The following B4GALT1 variants were observed in gnomAD, a reference collection of about 807,000 sequenced individuals.
B4GALT1 encodes the protein N-acetyllactosamine synthase.
A neutral mutation model predicts 34.9 loss-of-function variants in B4GALT1; 16 were observed. The ratio of observed to expected loss-of-function variants is 0.46; its 90% CI spans 0.31 to 0.70. The LOEUF (loss-of-function observed/expected upper bound fraction) is 0.70. B4GALT1 is among the 30% of genes least tolerant of loss of function. The pLI is 0.05. For synonymous variants in B4GALT1, 221 were observed against 218.1 expected, an observed-to-expected ratio of 1.01 and a Z score of -0.12; for missense variants, 445 against 530.5, an observed-to-expected ratio of 0.84 and a Z score of 1.58.
In B4GALT1 at chr9:33,119,544, T is replaced by A. The variant is rs146907857; in HGVS notation, c.836+875A>T. The stretch of plus-strand genomic sequence containing the variant: ...CCAGCTTGGGCAACATAGCCAGACC[T>A]CATCTCCACTAAAAATAAAAAATTA... On this transcript the variant is annotated intron_variant, in intron 3 of 5. Transcript: ENST00000379731. Among the ~76,000 whole-genome samples the A allele has an allele frequency of 6.5e-3, 990 of 152,228 alleles. 14 individuals are homozygous for A. The highest frequency in any genetic ancestry group is 0.054 in the Middle Eastern group (16 of 294).
intron 1 of B4GALT1, among the ~76,000 whole-genome samples, chr9:33,165,861 C>T (rs915225474): frequency 6.6e-6 from 1 of 152,312 alleles, no homozygotes; most frequent in Middle Eastern, 3.4e-3. Context: ...AAGCTCTCTG[C>T]CTATGCTGAA....
intron 1 of B4GALT1, among the ~76,000 whole-genome samples, chr9:33,147,792 G>A (rs1290984813): frequency 1.3e-5 from 2 of 152,172 alleles, no homozygotes; most frequent in Non-Finnish European, 2.9e-5. Flanking sequence ...AATAGATGCA[G>A]GAGGCTGAGG....
chr9:33,156,424 G>A (rs537422280), intron 1 of B4GALT1, among the ~76,000 whole-genome samples: 1 of 152,298 alleles, frequency 6.6e-6, no homozygotes, highest in South Asian at 2.1e-4. Flanking sequence ...GTGAGCCACT[G>A]TGCCCGGCCA....
chr9:33,121,319 C>T (rs1019239282), intron 2 of B4GALT1, among the ~76,000 whole-genome samples: 1 of 152,190 alleles, frequency 6.6e-6, no homozygotes, highest in East Asian at 1.9e-4. Context: ...CCACGAGGTC[C>T]CCAGGCACCA....
chr9:33,116,425 T>C (rs974515456), intron 3 of B4GALT1, among the ~76,000 whole-genome samples: 2 of 151,852 alleles, frequency 1.3e-5, no homozygotes, highest in East Asian at 1.9e-4. Flanking sequence ...GGTTTCACCA[T>C]GTTGGTCAGG....
At chr9:33,140,669 A>AG (rs774615565) in intron 1 of B4GALT1, among the ~76,000 whole-genome samples, 43 of 152,232 alleles carry the variant, frequency 2.8e-4, no homozygotes, top group Non-Finnish European at 4.8e-4. Flanking sequence ...CCTGGGTCTC[A>AG]GACCTGACAG....
intron 1 of B4GALT1, among the ~76,000 whole-genome samples, chr9:33,142,863 G>C (rs960743329): frequency 3.3e-5 from 5 of 152,252 alleles, no homozygotes; most frequent in Admixed American, 3.3e-4. Flanking sequence ...AAAAAAAATA[G>C]GCCAGGTGCG....
At position 33,130,981 on chromosome 9, in the gene B4GALT1, T is replaced by C. The variant is rs190484832; in HGVS notation, c.648+4208A>G. Among the ~76,000 whole-genome samples, 213 of 152,154 alleles carry C rather than the reference T, an allele frequency of 1.4e-3. 2 individuals carry two copies. The highest frequency in any genetic ancestry group is 4.9e-3 in the African/African-American group (202 of 41,496). ...GTAACGGCTGGTATTTACTGAAGGT[T>C]TACCATGAGAAGGATGCCTCATAAC... On this transcript the variant is annotated intron_variant, in intron 2 of 5. Transcript: ENST00000379731.
At chr9:33,154,033 G>A (rs1840561911) in intron 1 of B4GALT1, among the ~76,000 whole-genome samples, 1 of 54,566 alleles carries the variant, frequency 1.8e-5, no homozygotes, top group Admixed American at 1.5e-4. Context: ...AAGGAAGGAA[G>A]GGAGGGAGGG....
chr9:33,148,121 G>T (rs999391647), intron 1 of B4GALT1, among the ~76,000 whole-genome samples: 3 of 152,066 alleles, frequency 2.0e-5, no homozygotes, highest in Non-Finnish European at 4.4e-5. Context: ...TAATATCTAG[G>T]ATGTATAAGG....
At chr9:33,151,615 A>C (rs1300321855) in intron 1 of B4GALT1, among the ~76,000 whole-genome samples, 1 of 152,254 alleles carries the variant, frequency 6.6e-6, no homozygotes, top group African/African-American at 2.4e-5. Context: ...ACATATACAT[A>C]CTTATCGCAT....
the B4GALT1 span, among the ~76,000 whole-genome samples, chr9:33,182,421 G>A: frequency 2.6e-5 from 4 of 152,132 alleles, no homozygotes; most frequent in South Asian, 2.1e-4. Context: ...TTGGAGGTAC[G>A]CTGTCCATCT....
intron 1 of B4GALT1, among the ~76,000 whole-genome samples, chr9:33,136,905 C>G (rs1454430914): frequency 6.6e-6 from 1 of 152,172 alleles, no homozygotes; most frequent in South Asian, 2.1e-4. Context: ...CCCCCTACTC[C>G]CGGAATCACT....
chr9:33,175,575 T>C, the B4GALT1 span, among the ~76,000 whole-genome samples: 1 of 152,178 alleles, frequency 6.6e-6, no homozygotes, highest in Non-Finnish European at 1.5e-5. Flanking sequence ...TCCATAAGAT[T>C]ATAATAAAGC....
rs1301056521 is a variant in B4GALT1 at position 33,156,026 on chromosome 9, A to ATGCAGT, written c.412+10726_412+10731dup. The stretch of plus-strand genomic sequence containing the variant: ...TTAAGTCACAACTGACTGCTGCAGA[A>ATGCAGT]TGCAGTCAAAGGAGAAGAAGACATA... On this transcript the variant is annotated intron_variant, in intron 1 of 5. Coordinates refer to ENST00000379731, the MANE Select transcript of B4GALT1 (RefSeq NM_001497.4). Among the ~76,000 whole-genome samples the ATGCAGT allele has an allele frequency of 4.6e-5, 7 of 152,282 alleles. No individual in the cohort carries two copies. In the East Asian group the frequency reaches 1.4e-3, roughly 29 times the overall value.
intron 2 of B4GALT1, among the ~76,000 whole-genome samples, chr9:33,122,813 C>T (rs888965545): frequency 3.3e-5 from 5 of 152,114 alleles, no homozygotes; most frequent in African/African-American, 4.8e-5. Flanking sequence ...TGGAATTCTG[C>T]GTTCAGCTAA....
intron 1 of B4GALT1, among the ~76,000 whole-genome samples, chr9:33,141,367 C>A (rs558742779): frequency 2.6e-5 from 4 of 152,112 alleles, no homozygotes; most frequent in Admixed American, 2.6e-4. Context: ...ATTAAAAATA[C>A]AAAAATTAAC....
intron 1 of B4GALT1, among the ~76,000 whole-genome samples, chr9:33,148,844 G>C (rs1428009959): frequency 1.3e-5 from 2 of 149,374 alleles, no homozygotes; most frequent in African/African-American, 2.5e-5. Flanking sequence ...AATAGGATAT[G>C]TCAAAAGAAA....
At chr9:33,123,688 G>C (rs560370378) in intron 2 of B4GALT1, among the ~76,000 whole-genome samples, 2 of 152,318 alleles carry the variant, frequency 1.3e-5, no homozygotes, top group African/African-American at 4.8e-5. Context: ...GGCCTTGGCT[G>C]TTTGATCTAA....
Sources: gnomAD v4.1 joint callset for allele counts (sites outside exome capture counted in the v4.1 genomes callset) on GRCh38, gnomAD v4.1.1 for gene constraint, MANE v1.5 for transcripts, NCBI Gene and HGNC (gene_info 2026-07-23, HGNC 2026-07-21) for gene names.